DIP2A: variants seen among roughly 807,000 people sequenced by gnomAD.
DIP2A encodes DIP2 acetate--CoA ligase A, also known as disco-interacting protein 2 homolog A.
A neutral mutation model predicts 177.4 loss-of-function variants in DIP2A; 85 were observed. The ratio of observed to expected loss-of-function variants is 0.48; its 90% CI spans 0.40 to 0.57. The LOEUF (loss-of-function observed/expected upper bound fraction) is 0.57, where lower values mean the gene tolerates loss of function less well. Ranked by LOEUF, DIP2A falls within the 20% of genes least tolerant of loss-of-function variation. DIP2A has a pLI of 0.00. For missense variants in DIP2A, 1,791 were observed against 2,100.2 expected (o/e 0.85, Z 2.88); for synonymous variants, 886 against 881.8 (o/e 1.00, Z -0.08).
chr21:46,519,396 G>T (rs2058722782), intron 8 of DIP2A, among the ~76,000 whole-genome samples: 1 of 152,128 alleles, frequency 6.6e-6, no homozygotes, highest in African/African-American at 2.4e-5. Context: ...AGATGGAGTT[G>T]CTCTGGTTTA....
At chr21:46,515,027 C>G (rs943471289) in intron 8 of DIP2A, among the ~76,000 whole-genome samples, 2 of 152,156 alleles carry the variant, frequency 1.3e-5, no homozygotes, top group Non-Finnish European at 2.9e-5. Flanking sequence ...TAAATATACA[C>G]CCAGATTTAA....
chr21:46,496,863 G>C, intron 3 of DIP2A, 125 bp from the exon 4 acceptor site: 1 of 903,624 alleles, frequency 1.1e-6, no homozygotes, highest in Non-Finnish European at 1.6e-6. Context: ...CAACATGTGA[G>C]GATAGACAGA....
At chr21:46,509,023 A>G (rs528699118) in intron 6 of DIP2A, among the ~76,000 whole-genome samples, 142 of 151,888 alleles carry the variant, frequency 9.3e-4, no homozygotes, top group African/African-American at 3.3e-3. Context: ...GTCTAAAGCA[A>G]AAAAACAAAA....
At chr21:46,572,329 A>G (rs764710727), downstream of DIP2A, among the ~76,000 whole-genome samples, 2 of 152,190 alleles carry the variant, frequency 1.3e-5, no homozygotes, top group African/African-American at 2.4e-5. Context: ...CTAAGTGTAC[A>G]ATGTTTATAA....
At chr21:46,554,501 G>T (rs1000485257) in intron 26 of DIP2A, 74 bp from the exon 27 acceptor site, 38 of 1,578,498 alleles carry the variant, frequency 2.4e-5, no homozygotes, top group Non-Finnish European at 3.1e-5. Flanking sequence ...CTCCTCTCTC[G>T]CAGGAACAGT....
chr21:46,469,934 C>G (rs2055200667), intron 1 of DIP2A, among the ~76,000 whole-genome samples: 1 of 151,820 alleles, frequency 6.6e-6, no homozygotes, highest in African/African-American at 2.4e-5. Flanking sequence ...CCTGTTCCAT[C>G]TTTTGAAAAA....
At chr21:46,488,892 T>A (rs1278150161) in intron 2 of DIP2A, among the ~76,000 whole-genome samples, 1 of 152,236 alleles carries the variant, frequency 6.6e-6, no homozygotes, top group Non-Finnish European at 1.5e-5. Context: ...GATGCATATT[T>A]TGGAATACAA....
chr21:46,506,757 TTTC>T (rs1288086463), intron 6 of DIP2A, among the ~76,000 whole-genome samples: 1 of 116,174 alleles, frequency 8.6e-6, no homozygotes, highest in African/African-American at 3.0e-5. Flanking sequence ...TCTTTCTTTC[TTTC>T]TTTCTTTCTT....
chr21:46,576,784 C>T, the DIP2A span, among the ~76,000 whole-genome samples: 19 of 152,266 alleles, frequency 1.2e-4, no homozygotes, highest in African/African-American at 4.6e-4. Flanking sequence ...TCACCAGCAT[C>T]TGTTGTTTTT....
At chr21:46,470,291 G>A (rs1232882698) in intron 1 of DIP2A, among the ~76,000 whole-genome samples, 13 of 151,970 alleles carry the variant, frequency 8.6e-5, no homozygotes, top group African/African-American at 2.9e-4. Flanking sequence ...CCTGACCAAC[G>A]TGGAGAAACC....
intron 6 of DIP2A, among the ~76,000 whole-genome samples, chr21:46,506,392 A>G (rs939191678): frequency 2.6e-5 from 4 of 152,252 alleles, no homozygotes; most frequent in Non-Finnish European, 5.9e-5. Context: ...TACTGGGATT[A>G]TAGGTGTGAG....
intron 8 of DIP2A, among the ~76,000 whole-genome samples, chr21:46,518,364 G>A (rs987805224): frequency 6.6e-6 from 1 of 152,170 alleles, no homozygotes; most frequent in Admixed American, 6.5e-5. Flanking sequence ...ATCAGTGTGG[G>A]TGGGCCCTAC....
At chr21:46,488,312 C>T (rs2148459461) in intron 2 of DIP2A, among the ~76,000 whole-genome samples, 1 of 152,282 alleles carries the variant, frequency 6.6e-6, no homozygotes, top group Non-Finnish European at 1.5e-5. Context: ...ACTATTTGAA[C>T]ACCCCTTTGA....
chr21:46,546,933 G>T lies in DIP2A; in HGVS notation c.2413G>T (p.Val805Leu). ...FIGPDNLVFI[V>L]GKLDGLMVTG... ...CCCTCAGGACAACCTGGTCTTCATC[G>T]TGGGCAAACTGGACGGGCTGATGGT... Residue 805 changes from valine to leucine, a missense_variant, in exon 21 of 38, where the codon GTG becomes TTG. Transcript: ENST00000417564. 1 of 1,613,872 alleles carries T rather than the reference G, an allele frequency of 6.2e-7. No homozygotes were observed. The highest frequency in any genetic ancestry group is 8.5e-7 in the Non-Finnish European group (1 of 1,179,824).
chr21:46,483,546 G>A (rs1256397370), intron 1 of DIP2A, among the ~76,000 whole-genome samples: 1 of 152,224 alleles, frequency 6.6e-6, no homozygotes, highest in African/African-American at 2.4e-5. Flanking sequence ...CAGAGCAGCT[G>A]CTTGGCCCAC....
chr21:46,529,506 C>A (rs1225334721), intron 9 of DIP2A, among the ~76,000 whole-genome samples: 1 of 151,430 alleles, frequency 6.6e-6, no homozygotes, highest in Non-Finnish European at 1.5e-5. Context: ...GAGGCTGAGG[C>A]ATGAGAATCT....
At chr21:46,530,267 G>C (rs1020198358) in intron 9 of DIP2A, among the ~76,000 whole-genome samples, 2 of 152,194 alleles carry the variant, frequency 1.3e-5, no homozygotes, top group Non-Finnish European at 2.9e-5. Flanking sequence ...GGAAACTGCA[G>C]GTTAACAAGC....
At chr21:46,525,875 T>C (rs1463788587) in intron 8 of DIP2A, among the ~76,000 whole-genome samples, 8 of 25,084 alleles carry the variant, frequency 3.2e-4, no homozygotes, top group Non-Finnish European at 6.6e-4. Context: ...TTATTATTAT[T>C]ATTATTATTA....
Position 46,557,877 on chromosome 21 carries a change from C to G in DIP2A, c.3798+124C>G. ...GCAGTTGGAGGAAGTAGAGAAAACC[C>G]TTTCCCACTAGGGGCCCTATGTACA... On this transcript the variant is annotated intron_variant, in intron 31 of 37. Coordinates refer to ENST00000417564, the MANE Select transcript of DIP2A (RefSeq NM_015151.4). This position sits in a 1 kb window ranked among gnomAD's most constrained non-coding sequence, Gnocchi z 6.0. 1.6e-6 allele frequency: 2 copies of G among 1,241,202 alleles called. No individual in the cohort carries two copies. The highest frequency in any genetic ancestry group is 1.5e-5 in the African/African-American group (1 of 66,246). The allele number at this position is 1,241,202 out of a possible 1,614,324, so 76.9% of individuals were successfully genotyped here.
Sources: allele counts gnomAD v4.1 joint callset (sites outside exome capture counted in the v4.1 genomes callset), GRCh38; gene constraint gnomAD v4.1.1; non-coding constraint Gnocchi (gnomAD v3.1); transcripts MANE v1.5; gene names NCBI Gene and HGNC (gene_info 2026-07-23, HGNC 2026-07-21).